Variants in PCDHGA1 observed in about 807,000 individuals in gnomAD.
PCDHGA1 encodes the protein protocadherin gamma subfamily A, 1.
Under a neutral mutation model 58.0 loss-of-function variants are expected in PCDHGA1, and 32 were observed. The observed-to-expected ratio is 0.55, with a 90% CI of 0.42 to 0.74. The LOEUF (loss-of-function observed/expected upper bound fraction) is 0.74. Among genes scored for constraint, PCDHGA1 ranks in the 30% least tolerant of loss-of-function variants. The pLI, the probability that PCDHGA1 is intolerant of heterozygous loss-of-function variation, is 0.00. For synonymous variants in PCDHGA1, 498 were observed against 501.1 expected, an observed-to-expected ratio of 0.99 and a Z score of 0.08; for missense variants, 1,205 against 1,182.3, an observed-to-expected ratio of 1.02 and a Z score of -0.28.
chr5:141,430,919 C>T, intron 1 of PCDHGA1: 1 of 1,607,610 alleles, frequency 6.2e-7, no homozygotes, highest in Non-Finnish European at 8.5e-7. Context: ...GGACCTGGGG[C>T]TGGAGCCCCG....
At chr5:141,426,445 A>T (rs2096937062) in intron 1 of PCDHGA1, 1 of 310,256 alleles carries the variant, frequency 3.2e-6, no homozygotes, top group East Asian at 8.0e-5. Context: ...TGCGGAGGAC[A>T]TGCGGCTGCA....
At chr5:141,335,006 G>A (rs949814260) in intron 1 of PCDHGA1, among the ~76,000 whole-genome samples, 2 of 152,190 alleles carry the variant, frequency 1.3e-5, no homozygotes, top group African/African-American at 4.8e-5. Context: ...ATTGTTACTA[G>A]TGAGAAACTT....
At chr5:141,423,711 T>C (rs1479409204) in intron 1 of PCDHGA1, 1 of 1,330,004 alleles carries the variant, frequency 7.5e-7, no homozygotes, top group Non-Finnish European at 9.6e-7. Flanking sequence ...GCACAAGTCT[T>C]TTAAGGAGAT....
chr5:141,404,517 A>C (rs1268035794), intron 1 of PCDHGA1: 1 of 1,613,938 alleles, frequency 6.2e-7, no homozygotes, highest in South Asian at 1.1e-5. Flanking sequence ...TCCTTTGACT[A>C]TGAGCAGTTT....
Position 141,432,581 on chromosome 5 carries a change from C to T in PCDHGA1, c.2422-62226C>T. 6.2e-7 allele frequency: 1 copy of T among 1,613,930 alleles called. No homozygotes were observed. The highest frequency in any genetic ancestry group is 8.5e-7 in the Non-Finnish European group (1 of 1,179,974). On this transcript the variant is annotated intron_variant, in intron 1 of 3. Coordinates refer to ENST00000517417, the MANE Select transcript of PCDHGA1 (RefSeq NM_018912.3). The surrounding 1 kb of genome is among the most constrained non-coding windows in gnomAD (Gnocchi z 6.0). ...CCAGAACGCCTGGCTGTCCTACCGT[C>T]TGCTCAAGGCCAGCGAGCCGGGACT...
At chr5:141,407,505 T>TTTTTTTTTTTTTTTTTTTTTGAG (rs1460306566) in intron 1 of PCDHGA1, among the ~76,000 whole-genome samples, 2 of 152,146 alleles carry the variant, frequency 1.3e-5, no homozygotes, top group African/African-American at 4.8e-5. Context: ...CTGTTTTTCT[T>TTTTTTTTTTTTTTTTTTTTTGAG]AGGCTATGTA....
Position 141,423,666 on chromosome 5 carries a change from AT to A in PCDHGA1, c.2422-71138del, listed in dbSNP as rs1184681047. 2.7e-6 allele frequency: 4 copies of A among 1,494,382 alleles called. No individual in the cohort carries two copies. The South Asian group carries it at 5.0e-5, about 19-fold the overall frequency. The allele number at this position is 1,494,382 out of a possible 1,614,324, so 92.6% of individuals were successfully genotyped here. A position where few individuals can be genotyped will look rare whatever the true frequency, so the allele number is the denominator to read the frequency against. ...GTGACCCGACAAGTAATCAGGTGAGATTTATTTCTCTGCCTCCTAATTGTTG... is the reference window on the plus strand; with the variant it reads ...GTGACCCGACAAGTAATCAGGTGAGATTATTTCTCTGCCTCCTAATTGTTG... On this transcript the variant is annotated intron_variant, in intron 1 of 3. Coordinates refer to ENST00000517417, the MANE Select transcript of PCDHGA1 (RefSeq NM_018912.3).
At chr5:141,383,583 C>A (rs1282205134) in intron 1 of PCDHGA1, 11 of 1,613,640 alleles carry the variant, frequency 6.8e-6, no homozygotes, top group Non-Finnish European at 9.3e-6. Context: ...CCGCCCACAT[C>A]CAGGTGACAG....
At chr5:141,378,368 C>A (rs1774846187) in intron 1 of PCDHGA1, 1 of 152,194 alleles carries the variant, frequency 6.6e-6, no homozygotes, top group Non-Finnish European at 1.5e-5. Context: ...ACTAAAAATA[C>A]AAAAATTAGC....
chr5:141,341,696 C>T (rs1036429955), intron 1 of PCDHGA1: 1 of 544,548 alleles, frequency 1.8e-6, no homozygotes, highest in African/African-American at 1.9e-5. Context: ...CATCCCTGGG[C>T]AAATCATCTC....
At chr5:141,387,649 G>T (rs1020449158) in intron 1 of PCDHGA1, 13 of 640,184 alleles carry the variant, frequency 2.0e-5, no homozygotes, top group Non-Finnish European at 3.1e-5. Context: ...TGGCCAAAGT[G>T]GAGAGCTTGG....
chr5:141,403,553 G>T, intron 1 of PCDHGA1: 6 of 1,613,980 alleles, frequency 3.7e-6, no homozygotes, highest in Non-Finnish European at 5.1e-6. Flanking sequence ...GCGCGCCCTG[G>T]ACAGGGAGGA....
intron 1 of PCDHGA1, among the ~76,000 whole-genome samples, chr5:141,380,623 C>T (rs1249230107): frequency 6.6e-6 from 1 of 152,204 alleles, no homozygotes; most frequent in Non-Finnish European, 1.5e-5. Flanking sequence ...TGTTCGATAA[C>T]TTAGAAAATG....
chr5:141,420,313 C>A, intron 1 of PCDHGA1: 1 of 1,434,874 alleles, frequency 7.0e-7, no homozygotes, highest in Non-Finnish European at 9.4e-7. Flanking sequence ...TTTTATATTA[C>A]AATATGCCAA....
Position 141,476,901 on chromosome 5 carries a change from G to A in PCDHGA1, c.2422-17906G>A, listed in dbSNP as rs1466086788. The A allele has an allele frequency of 1.9e-6, 3 of 1,613,782 alleles. No individual in the cohort carries two copies. The African/African-American group carries it at 4.0e-5, about 22-fold the overall frequency. On this transcript the variant is annotated intron_variant, in intron 1 of 3. Coordinates refer to ENST00000517417, the MANE Select transcript of PCDHGA1 (RefSeq NM_018912.3). The surrounding 1 kb of genome is among the most constrained non-coding windows in gnomAD (Gnocchi z 7.6). ...CTGGAGGATGCACCCTCCGGCACGC[G>A]CGTGGTACAAGTCCTTGCAACGGAT...
At position 141,332,889 on chromosome 5, in the gene PCDHGA1, G is replaced by T; in HGVS notation, c.2205G>T (p.Met735Ile). Residue 735 changes from methionine to isoleucine, a missense_variant, in exon 1 of 4, where the codon ATG (methionine) becomes ATT (isoleucine). Met to Ile is a conservative substitution (Grantham distance 10). Coordinates refer to ENST00000517417, the MANE Select transcript of PCDHGA1 (RefSeq NM_018912.3). This position sits in a 1 kb window ranked among gnomAD's most constrained non-coding sequence, Gnocchi z 4.6. ...LQASGGGLASMPGSHFVGVDG... is the reference protein window; with the variant it reads ...LQASGGGLASIPGSHFVGVDG... ...CTTCGGGAGGCGGCTTAGCGAGCATGCCCGGTTCGCACTTTGTGGGCGTGG... is the reference window on the plus strand; with the variant it reads ...CTTCGGGAGGCGGCTTAGCGAGCATTCCCGGTTCGCACTTTGTGGGCGTGG... The T allele has an allele frequency of 6.2e-7, 1 of 1,614,250 alleles. No individual in the cohort carries two copies. Among genetic ancestry groups the T allele is most frequent in the Non-Finnish European group, 8.5e-7 (1 of 1,180,040 alleles).
chr5:141,351,783 G>A, intron 1 of PCDHGA1: 2 of 1,613,452 alleles, frequency 1.2e-6, no homozygotes, highest in Non-Finnish European at 8.5e-7. Context: ...CCGCAGAGCG[G>A]GGTGGTGTTC....
chr5:141,487,709 A>G lies in PCDHGA1; in HGVS notation c.2422-7098A>G. On this transcript the variant is annotated intron_variant, in intron 1 of 3. Coordinates refer to ENST00000517417, the MANE Select transcript of PCDHGA1 (RefSeq NM_018912.3). This position sits in a 1 kb window ranked among gnomAD's most constrained non-coding sequence, Gnocchi z 5.0. ...CCTAGAGAGTACTGGCCTCTCAGTA[A>G]GTGCCCATAGTGATGTCACCATTTT... is the stretch of plus-strand genomic sequence containing the variant. 6.3e-7 allele frequency: 1 copy of G among 1,586,184 alleles called. No individual in the cohort carries two copies. Among genetic ancestry groups the G allele is most frequent in the South Asian group, 1.1e-5 (1 of 87,958 alleles).
chr5:141,412,093 GCA>G (rs1252719565), intron 1 of PCDHGA1: 2 of 152,146 alleles, frequency 1.3e-5, no homozygotes, highest in Non-Finnish European at 2.9e-5. Flanking sequence ...GGGTTGATGG[GCA>G]CACACAGTTG....
Sources: allele counts gnomAD v4.1 joint callset (sites outside exome capture counted in the v4.1 genomes callset), GRCh38; gene constraint gnomAD v4.1.1; non-coding constraint Gnocchi (gnomAD v3.1); transcripts MANE v1.5; gene names NCBI Gene and HGNC (gene_info 2026-07-23, HGNC 2026-07-21).